OR51A4: variants seen among roughly 807,000 people sequenced by gnomAD.
The protein encoded by OR51A4 is olfactory receptor family 51 subfamily A member 4.
For synonymous variants in OR51A4, 96 were observed against 141.5 expected (o/e 0.68, Z 2.28); for missense variants, 243 against 364.0 (o/e 0.67, Z 2.70).
rs1312637606 is a variant in OR51A4 at position 4,945,441 on chromosome 11, A to G, written c.*718T>C. On this transcript the variant is annotated 3_prime_UTR_variant, in exon 2 of 2. Transcript: ENST00000641898. ...TCCAGGCCATGTAGGGTCTTAGAAT[A>G]TGTTCCTTATTGATTTAACTGTATT... is the stretch of plus-strand genomic sequence containing the variant. 3 of 152,672 alleles carry G rather than the reference A, an allele frequency of 2.0e-5. No homozygotes were observed. The highest frequency in any genetic ancestry group is 6.5e-5 in the Admixed American group (1 of 15,302). 9.5% of individuals were successfully genotyped at this position (152,672 alleles called of 1,614,324 possible).
In OR51A4 at chr11:4,946,512, C is replaced by T. The variant is rs1268692113; in HGVS notation, c.589G>A (p.Asp197Asn). 23 of 1,608,802 alleles carry T rather than the reference C, an allele frequency of 1.4e-5. No individual in the cohort carries two copies. The highest frequency in any genetic ancestry group is 1.8e-5 in the Non-Finnish European group (21 of 1,176,150). The change falls in exon 2 of 2, where the codon GAT becomes AAT. Residue 197 changes from aspartate to asparagine, a missense_variant. Physicochemically the swap from Asp to Asn is conservative, Grantham distance 23. Transcript: ENST00000641898. ...MKLACSDNRI[D>N]VIYGFFGALC... ...GCTCCAAAAAAGCCATAGATAACAT[C>T]AATTCTGTTGTCAGAACAGGCCAAC... is the stretch of plus-strand genomic sequence containing the variant.
rs111741316 is a variant in OR51A4 at position 4,947,158 on chromosome 11, A to C, written c.-58T>G. 2,570 of 1,030,780 alleles carry C rather than the reference A, an allele frequency of 2.5e-3. 343 individuals carry two copies. The highest frequency in any genetic ancestry group is 2.4e-3 in the Non-Finnish European group (1,767 of 723,080). 63.9% of individuals were successfully genotyped at this position (1,030,780 alleles called of 1,614,324 possible). A position where few individuals can be genotyped will look rare whatever the true frequency, so the allele number is the denominator to read the frequency against. On this transcript the variant is annotated 5_prime_UTR_variant, in exon 2 of 2. It adds an upstream start codon to the 5' untranslated region. Coordinates refer to ENST00000641898, the MANE Select transcript of OR51A4 (RefSeq NM_001005329.2). The stretch of plus-strand genomic sequence containing the variant: ...CAGATGCTTGTGTTGGTAAAATAGG[A>C]ATATCTGTAAATTTAGTAGAAAAAA...
Position 4,945,781 on chromosome 11 carries a change from T to C in OR51A4, c.*378A>G. On this transcript the variant is annotated 3_prime_UTR_variant, in exon 2 of 2. Transcript: ENST00000641898. The stretch of plus-strand genomic sequence containing the variant: ...TGGTTGTATTCTAAGATGATTAAAA[T>C]GGATAAAGAGACAGCTAATTTAGGT... 1 of 268,666 alleles carries C rather than the reference T, an allele frequency of 3.7e-6. No homozygotes were observed. Among genetic ancestry groups the C allele is most frequent in the South Asian group, 4.4e-5 (1 of 22,694 alleles). The allele number at this position is 268,666 out of a possible 1,614,324, so 16.6% of individuals were successfully genotyped here.
Position 4,943,498 on chromosome 11 carries a change from C to T in OR51A4, c.*2661G>A, listed in dbSNP as rs1242577550. The T allele has an allele frequency of 1.1e-5, 5 of 455,788 alleles. No individual in the cohort carries two copies. The highest frequency in any genetic ancestry group is 1.4e-4 in the East Asian group (2 of 14,390). The allele number at this position is 455,788 out of a possible 1,614,324, so 28.2% of individuals were successfully genotyped here. A position where few individuals can be genotyped will look rare whatever the true frequency, so the allele number is the denominator to read the frequency against. On this transcript the variant is annotated 3_prime_UTR_variant, in exon 2 of 2. Coordinates refer to ENST00000641898, the MANE Select transcript of OR51A4 (RefSeq NM_001005329.2). ...CATTTAGACTAAGGTTTTTTTAATG[C>T]TTGGCACCACTGACATTTTGTGCTA... is the stretch of plus-strand genomic sequence containing the variant.
rs144851068 is a variant in OR51A4 at position 4,943,254 on chromosome 11, G to T, written c.*2905C>A. The T allele has an allele frequency of 1.4e-3, 265 of 188,288 alleles. 1 individual carries two copies. Among genetic ancestry groups the T allele is most frequent in the African/African-American group, 6.1e-3 (256 of 42,266 alleles). 11.7% of individuals were successfully genotyped at this position (188,288 alleles called of 1,614,324 possible). A position where few individuals can be genotyped will look rare whatever the true frequency, so the allele number is the denominator to read the frequency against. On this transcript the variant is annotated 3_prime_UTR_variant, in exon 2 of 2. Transcript: ENST00000641898. ...AAAAAGTATTTGAACTTGCCTTTTG[G>T]TAAGGTTTACATCCTTTGCATTCAT...
rs1367250874 is a variant in OR51A4, at chr11:4,943,409, G to T, written c.*2750C>A. 6 of 453,380 alleles carry T rather than the reference G, an allele frequency of 1.3e-5. No homozygotes were observed. The highest frequency in any genetic ancestry group is 2.7e-5 in the Non-Finnish European group (6 of 225,392). The allele number at this position is 453,380 out of a possible 1,614,324, so 28.1% of individuals were successfully genotyped here. ...TGGTATCAGATTGCCCCTAGGTGCTGTGTAGGTGAGCTCAAGGTAATTTGT... is the reference window on the plus strand; with the variant it reads ...TGGTATCAGATTGCCCCTAGGTGCTTTGTAGGTGAGCTCAAGGTAATTTGT... On this transcript the variant is annotated 3_prime_UTR_variant, in exon 2 of 2. Coordinates refer to ENST00000641898, the MANE Select transcript of OR51A4 (RefSeq NM_001005329.2).
chr11:4,946,838 A>G lies in OR51A4; in HGVS notation c.263T>C (p.Leu88Pro), dbSNP rs375865632. The G allele has an allele frequency of 3.1e-6, 5 of 1,588,668 alleles. No homozygotes were observed. In the Admixed American group the frequency reaches 5.1e-5, roughly 16 times the overall value. Residue 88 changes from leucine (L) to proline (P), a missense_variant, in exon 2 of 2, where the codon CTG becomes CCG. Physicochemically the swap from Leu to Pro is moderately conservative, Grantham distance 98. Transcript: ENST00000641898. ...SSLPTVLSIFLFNAPEISSNA... is the reference protein window; with the variant it reads ...SSLPTVLSIFPFNAPEISSNA... ...GGATGAAATTTCAGGAGCATTGAACAGGAAGATGCTTAACACAGTGGGCAG... is the reference window on the plus strand; with the variant it reads ...GGATGAAATTTCAGGAGCATTGAACGGGAAGATGCTTAACACAGTGGGCAG...
At position 4,943,902 on chromosome 11, in the gene OR51A4, G is replaced by T. The variant is rs1846254469; in HGVS notation, c.*2257C>A. 1 of 442,614 alleles carries T rather than the reference G, an allele frequency of 2.3e-6. No homozygotes were observed. The highest frequency in any genetic ancestry group is 2.5e-5 in the Admixed American group (1 of 40,248). 27.4% of individuals were successfully genotyped at this position (442,614 alleles called of 1,614,324 possible). The stretch of plus-strand genomic sequence containing the variant: ...CAGATGATCTTTGATACTCTTTTAT[G>T]TGACATCTATGTACAATATCCTGAA... On this transcript the variant is annotated 3_prime_UTR_variant, in exon 2 of 2. Transcript: ENST00000641898.
At position 4,945,480 on chromosome 11, in the gene OR51A4, G is replaced by C. The variant is rs1846280746; in HGVS notation, c.*679C>G. The C allele has an allele frequency of 6.7e-6, 1 of 149,724 alleles. No homozygotes were observed. Among genetic ancestry groups the C allele is most frequent in the South Asian group, 2.1e-4 (1 of 4,688 alleles). 9.3% of individuals were successfully genotyped at this position (149,724 alleles called of 1,614,324 possible). The stretch of plus-strand genomic sequence containing the variant: ...TTTAACTGTATTTCTAACAAAGGAA[G>C]AGTTCAAATTTAAAAGAGACACTTA... On this transcript the variant is annotated 3_prime_UTR_variant, in exon 2 of 2. Coordinates refer to ENST00000641898, the MANE Select transcript of OR51A4 (RefSeq NM_001005329.2).
At position 4,946,330 on chromosome 11, in the gene OR51A4, G is replaced by A. The variant is rs750309930; in HGVS notation, c.771C>T (p.Ile257=). The change falls in exon 2 of 2, where the codon ATC becomes ATT. Residue 257 remains isoleucine, a synonymous_variant. Coordinates refer to ENST00000641898, the MANE Select transcript of OR51A4 (RefSeq NM_001005329.2). ...CAVIIFYLPI[I]NLAVVHRFAR... is the part of the protein sequence containing the mutation. ...CAAAGCGGTGGACAACGGCCAGGTT[G>A]ATGATGGGCAGGTAGAAGATGATCA... 1.7e-5 allele frequency: 28 copies of A among 1,613,766 alleles called. No individual in the cohort carries two copies. Among genetic ancestry groups the A allele is most frequent in the Non-Finnish European group, 2.3e-5 (27 of 1,179,978 alleles).
In OR51A4 at chr11:4,944,159, C is replaced by A. The variant is rs373342390; in HGVS notation, c.*2000G>T. 1.1e-5 allele frequency: 5 copies of A among 451,704 alleles called. No individual in the cohort carries two copies. Among genetic ancestry groups the A allele is most frequent in the African/African-American group, 8.0e-5 (4 of 49,760 alleles). 28.0% of individuals were successfully genotyped at this position (451,704 alleles called of 1,614,324 possible). A position where few individuals can be genotyped will look rare whatever the true frequency, so the allele number is the denominator to read the frequency against. On this transcript the variant is annotated 3_prime_UTR_variant, in exon 2 of 2. Transcript: ENST00000641898. ...CAGTTATGCACCTCAAACATAGGAA[C>A]AGTTCTTGCCCTGATCTGATGATAG...
rs769290529 is a variant in OR51A4 at position 4,946,930 on chromosome 11, C to A, written c.171G>T (p.Leu57Phe). 6.2e-7 allele frequency: 1 copy of A among 1,606,460 alleles called. No homozygotes were observed. Among genetic ancestry groups the A allele is most frequent in the Admixed American group, 1.7e-5 (1 of 59,206 alleles). ...ILFIIKTEPS[L>F]HEPMYYFLSM... ...AAAGAAAATAGTACATGGGCTCATGCAAGGAGGGCTCTGTCTTGATGATAA... is the reference window on the plus strand; with the variant it reads ...AAAGAAAATAGTACATGGGCTCATGAAAGGAGGGCTCTGTCTTGATGATAA... The change falls in exon 2 of 2, where the codon TTG becomes TTT. Residue 57 changes from leucine to phenylalanine, a missense_variant. Leu to Phe is a conservative substitution (Grantham distance 22). Transcript: ENST00000641898.
In OR51A4 at chr11:4,943,919, T is replaced by C; in HGVS notation, c.*2240A>G. ...TCTTTTATGTGACATCTATGTACAA[T>C]ATCCTGAAAGAATAAGATGCTATTA... is the stretch of plus-strand genomic sequence containing the variant. On this transcript the variant is annotated 3_prime_UTR_variant, in exon 2 of 2. Coordinates refer to ENST00000641898, the MANE Select transcript of OR51A4 (RefSeq NM_001005329.2). 2.3e-6 allele frequency: 1 copy of C among 427,086 alleles called. No individual in the cohort carries two copies. The highest frequency in any genetic ancestry group is 4.7e-6 in the Non-Finnish European group (1 of 214,382). 26.5% of individuals were successfully genotyped at this position (427,086 alleles called of 1,614,324 possible).
chr11:4,944,681 C>A lies in OR51A4; in HGVS notation c.*1478G>T, dbSNP rs554222681. 6.6e-6 allele frequency: 1 copy of A among 152,068 alleles called. No individual in the cohort carries two copies. Among genetic ancestry groups the A allele is most frequent in the South Asian group, 2.1e-4 (1 of 4,828 alleles). The allele number at this position is 152,068 out of a possible 1,614,324, so 9.4% of individuals were successfully genotyped here. On this transcript the variant is annotated 3_prime_UTR_variant, in exon 2 of 2. Transcript: ENST00000641898. Reference sequence around the variant, plus strand: ...AAAATGAAAAGGCTAAAATGATTTTCGCAATATGCAAGATTTTGAGGTCAT... The same window carrying A: ...AAAATGAAAAGGCTAAAATGATTTTAGCAATATGCAAGATTTTGAGGTCAT...
Position 4,943,576 on chromosome 11 carries a change from G to A in OR51A4, c.*2583C>T, listed in dbSNP as rs188155758. ...TGTACATTAAAGAATGGTTAGTAGC[G>A]TCTCCGGCCTCTAATCAGTGGAAGT... On this transcript the variant is annotated 3_prime_UTR_variant, in exon 2 of 2. Coordinates refer to ENST00000641898, the MANE Select transcript of OR51A4 (RefSeq NM_001005329.2). 1.8e-4 allele frequency: 75 copies of A among 426,048 alleles called. No homozygotes were observed. The East Asian group carries it at 3.9e-3, about 22-fold the overall frequency. The allele number at this position is 426,048 out of a possible 1,614,324, so 26.4% of individuals were successfully genotyped here. A position where few individuals can be genotyped will look rare whatever the true frequency, so the allele number is the denominator to read the frequency against.
chr11:4,944,572 T>G lies in OR51A4; in HGVS notation c.*1587A>C, dbSNP rs1237956414. On this transcript the variant is annotated 3_prime_UTR_variant, in exon 2 of 2. Coordinates refer to ENST00000641898, the MANE Select transcript of OR51A4 (RefSeq NM_001005329.2). Reference sequence around the variant, plus strand: ...TTAAGCATTTGACATTCCTGGAAGGTGTTTCTTGATTCACCTGAGGTTAGA... The same window carrying G: ...TTAAGCATTTGACATTCCTGGAAGGGGTTTCTTGATTCACCTGAGGTTAGA... 1 of 152,274 alleles carries G rather than the reference T, an allele frequency of 6.6e-6. No homozygotes were observed. The highest frequency in any genetic ancestry group is 1.5e-5 in the Non-Finnish European group (1 of 68,150). The allele number at this position is 152,274 out of a possible 1,614,324, so 9.4% of individuals were successfully genotyped here.
In OR51A4 at chr11:4,943,900, A is replaced by G. The variant is rs1272420794; in HGVS notation, c.*2259T>C. ...TACAGATGATCTTTGATACTCTTTT[A>G]TGTGACATCTATGTACAATATCCTG... On this transcript the variant is annotated 3_prime_UTR_variant, in exon 2 of 2. Coordinates refer to ENST00000641898, the MANE Select transcript of OR51A4 (RefSeq NM_001005329.2). 2.2e-6 allele frequency: 1 copy of G among 444,476 alleles called. No homozygotes were observed. The highest frequency in any genetic ancestry group is 1.6e-5 in the South Asian group (1 of 61,744). 27.5% of individuals were successfully genotyped at this position (444,476 alleles called of 1,614,324 possible).
chr11:4,943,987 C>G lies in OR51A4; in HGVS notation c.*2172G>C. On this transcript the variant is annotated 3_prime_UTR_variant, in exon 2 of 2. Transcript: ENST00000641898. ...CTCATCTTTTTAGTGGAAATGAAGT[C>G]TTCATATTGGGCTGCCTATCCGCAC... is the stretch of plus-strand genomic sequence containing the variant. 2.4e-6 allele frequency: 1 copy of G among 410,644 alleles called. No homozygotes were observed. Among genetic ancestry groups the G allele is most frequent in the Admixed American group, 3.0e-5 (1 of 33,690 alleles). The allele number at this position is 410,644 out of a possible 1,614,324, so 25.4% of individuals were successfully genotyped here. A position where few individuals can be genotyped will look rare whatever the true frequency, so the allele number is the denominator to read the frequency against.
rs1234364512 is a variant in OR51A4 at position 4,945,974 on chromosome 11, G to A, written c.*185C>T. On this transcript the variant is annotated 3_prime_UTR_variant, in exon 2 of 2. Transcript: ENST00000641898. ...TTTTATTCTGCTTAACTGAAATGGGGACATAAGGCAACGTACTTCCTGTTT... is the reference window on the plus strand; with the variant it reads ...TTTTATTCTGCTTAACTGAAATGGGAACATAAGGCAACGTACTTCCTGTTT... The A allele has an allele frequency of 4.8e-6, 3 of 620,228 alleles. No individual in the cohort carries two copies. The highest frequency in any genetic ancestry group is 8.6e-6 in the Non-Finnish European group (3 of 350,070). The allele number at this position is 620,228 out of a possible 1,614,324, so 38.4% of individuals were successfully genotyped here.
Sources: allele counts gnomAD v4.1 joint callset, GRCh38; gene constraint gnomAD v4.1.1; transcripts MANE v1.5; gene names NCBI Gene and HGNC (gene_info 2026-07-23, HGNC 2026-07-21).